Variants in PPP1R13B observed in about 807,000 individuals in gnomAD.
PPP1R13B encodes apoptosis-stimulating of p53 protein 1.
In PPP1R13B, 44 loss-of-function variants were observed where a neutral mutation model predicts 119.8. The observed-to-expected ratio is 0.37, with a 90% confidence interval of 0.29 to 0.47. The LOEUF (loss-of-function observed/expected upper bound fraction) is 0.47, where lower values mean the gene tolerates loss of function less well. PPP1R13B is among the 20% of genes least tolerant of loss of function. The probability of loss-of-function intolerance (pLI) is 0.99; values close to 1 mark genes in which losing one functional copy is unlikely to be tolerated. For missense variants in PPP1R13B, 1,227 were observed against 1,413.5 expected (o/e 0.87, Z 2.12); for synonymous variants, 542 against 561.5 (o/e 0.97, Z 0.49).
chr14:103,826,307 C>A (rs1208744383), intron 1 of PPP1R13B, among the ~76,000 whole-genome samples: 1 of 152,132 alleles, frequency 6.6e-6, no homozygotes, highest in Admixed American at 6.5e-5. Flanking sequence ...AGATTTAACA[C>A]CCAGGATATA....
At chr14:103,830,561 C>T (rs1167427904) in intron 1 of PPP1R13B, among the ~76,000 whole-genome samples, 2 of 152,194 alleles carry the variant, frequency 1.3e-5, no homozygotes, top group Non-Finnish European at 2.9e-5. Context: ...GAGATTCAAA[C>T]CCAGATAGTC....
chr14:103,793,735 A>T (rs1387444080), intron 2 of PPP1R13B, among the ~76,000 whole-genome samples: 1 of 152,210 alleles, frequency 6.6e-6, no homozygotes, highest in African/African-American at 2.4e-5. Flanking sequence ...AAAGATAAAA[A>T]TGGAAGGTTT....
At chr14:103,824,696 A>G (rs79407170) in intron 1 of PPP1R13B, among the ~76,000 whole-genome samples, 2 of 147,416 alleles carry the variant, frequency 1.4e-5, no homozygotes, top group South Asian at 2.1e-4. Context: ...CTCCGCCTCA[A>G]AAAAAAAAAA....
At chr14:103,797,963 C>T (rs2085799375) in intron 1 of PPP1R13B, among the ~76,000 whole-genome samples, 1 of 151,968 alleles carries the variant, frequency 6.6e-6, no homozygotes, top group Non-Finnish European at 1.5e-5. Context: ...ATATATCGTA[C>T]ACTAGCAGAA....
Position 103,753,113 on chromosome 14 carries a change from T to G in PPP1R13B, c.715A>C (p.Ser239Arg). 1 of 1,613,990 alleles carries G rather than the reference T, an allele frequency of 6.2e-7. No homozygotes were observed. Among genetic ancestry groups the G allele is most frequent in the Non-Finnish European group, 8.5e-7 (1 of 1,180,046 alleles). Reference sequence around the variant, plus strand: ...TTCTTTAAATCTTCCAATTGCTGACTAAGCTGATCAACCCTTAAAATTGCA... The same window carrying G: ...TTCTTTAAATCTTCCAATTGCTGACGAAGCTGATCAACCCTTAAAATTGCA... ...QTAILRVDQL[S>R]QQLEDLKKGK... is the part of the protein sequence containing the mutation. Residue 239 changes from serine to arginine, a missense_variant, in exon 7 of 17, where the codon AGT becomes CGT. Coordinates refer to ENST00000202556, the MANE Select transcript of PPP1R13B (RefSeq NM_015316.3).
At chr14:103,737,043 G>T (rs2084131325) in intron 15 of PPP1R13B, 1 of 152,300 alleles carries the variant, frequency 6.6e-6, no homozygotes, top group Non-Finnish European at 1.5e-5. Context: ...GAATGGCCAG[G>T]GCCCCAGGCC....
chr14:103,822,220 C>T (rs1011721941), intron 1 of PPP1R13B, among the ~76,000 whole-genome samples: 1 of 151,944 alleles, frequency 6.6e-6, no homozygotes, highest in East Asian at 1.9e-4. Context: ...CTGCAACCTC[C>T]GCCTCCTGGA....
intron 1 of PPP1R13B, among the ~76,000 whole-genome samples, chr14:103,825,846 C>CT (rs67751577): frequency 0.012 from 1,654 of 143,674 alleles, 29 homozygotes; most frequent in South Asian, 0.02. Flanking sequence ...TTTTTCTTTT[C>CT]TTTTTTTTTT....
chr14:103,754,011 T>A, intron 6 of PPP1R13B, 59 bp downstream of exon 6: 2 of 1,555,214 alleles, frequency 1.3e-6, no homozygotes, highest in Non-Finnish European at 1.7e-6. Flanking sequence ...AGTTAGACTA[T>A]GTTTCACTGG....
intron 1 of PPP1R13B, chr14:103,818,466 A>C: frequency 1.0e-6 from 1 of 973,988 alleles, no homozygotes. Flanking sequence ...TCTCAATGTT[A>C]ATATTGTCAG....
upstream of PPP1R13B, among the ~76,000 whole-genome samples, chr14:103,848,027 G>T (rs2087113160): frequency 6.6e-6 from 1 of 151,720 alleles, no homozygotes; most frequent in African/African-American, 2.4e-5. Flanking sequence ...CCGGCGCGCC[G>T]TGGGGCTGCG....
chr14:103,742,161 T>G lies in PPP1R13B; in HGVS notation c.1451A>C (p.Glu484Ala), dbSNP rs757192156. The change falls in exon 11 of 17, where the codon GAA becomes GCA. Residue 484 changes from glutamate to alanine, a missense_variant. Physicochemically the swap from Glu to Ala is moderately radical, Grantham distance 107 (BLOSUM62 -1). Transcript: ENST00000202556. The surrounding 1 kb of genome is among the most constrained non-coding windows in gnomAD (Gnocchi z 4.9). ...TGCACTGGGCCTGGGCAAGCTGCCT[T>G]CCTTCCTCCTTTCCAGGGAGCTTGT... Reference protein sequence around the residue: ...GSTSSLERRKEGSLPRPSAGL... With the variant: ...GSTSSLERRKAGSLPRPSAGL... 6.2e-6 allele frequency: 10 copies of G among 1,609,768 alleles called. No homozygotes were observed. The highest frequency in any genetic ancestry group is 2.2e-5 in the East Asian group (1 of 44,886).
At chr14:103,789,941 T>A (rs2085574473) in intron 2 of PPP1R13B, among the ~76,000 whole-genome samples, 1 of 152,064 alleles carries the variant, frequency 6.6e-6, no homozygotes, top group African/African-American at 2.4e-5. Flanking sequence ...TCTAGACTTA[T>A]ACCCACATTC....
At chr14:103,798,214 C>T (rs1469685529) in intron 1 of PPP1R13B, among the ~76,000 whole-genome samples, 1 of 143,120 alleles carries the variant, frequency 7.0e-6, no homozygotes, top group Admixed American at 7.3e-5. Context: ...TGCAGTGGCG[C>T]GATCTCGGCT....
At chr14:103,775,592 C>A (rs1595755349) in intron 4 of PPP1R13B, among the ~76,000 whole-genome samples, 1 of 152,176 alleles carries the variant, frequency 6.6e-6, no homozygotes, top group South Asian at 2.1e-4. Context: ...AATCTTAGAA[C>A]TCAAAAAGAT....
intron 5 of PPP1R13B, among the ~76,000 whole-genome samples, chr14:103,755,337 G>A (rs937436066): frequency 1.4e-4 from 21 of 152,204 alleles, no homozygotes; most frequent in Non-Finnish European, 2.2e-4. Flanking sequence ...AGATAAAGGT[G>A]ATCAGTAAAG....
chr14:103,800,599 G>A (rs2085875648), intron 1 of PPP1R13B, among the ~76,000 whole-genome samples: 2 of 150,610 alleles, frequency 1.3e-5, no homozygotes, highest in South Asian at 4.2e-4. Context: ...AGGTTGCAAT[G>A]AGCCAAGATT....
intron 2 of PPP1R13B, among the ~76,000 whole-genome samples, chr14:103,792,634 ACTGTG>A (rs1324795446): frequency 2.0e-5 from 3 of 152,174 alleles, no homozygotes; most frequent in Non-Finnish European, 4.4e-5. Context: ...TTGTCTGGGC[ACTGTG>A]CAGTTTGCCT....
chr14:103,794,090 A>T (rs2085695418), intron 2 of PPP1R13B, among the ~76,000 whole-genome samples: 1 of 152,186 alleles, frequency 6.6e-6, no homozygotes, highest in African/African-American at 2.4e-5. Context: ...GAATAAACCA[A>T]GCCTGCTGAC....
Sources: gnomAD v4.1 joint callset for allele counts (sites outside exome capture counted in the v4.1 genomes callset) on GRCh38, gnomAD v4.1.1 for gene constraint, Gnocchi (gnomAD v3.1) non-coding constraint, MANE v1.5 for transcripts, NCBI Gene and HGNC (gene_info 2026-07-23, HGNC 2026-07-21) for gene names.